The following LIMA1 variants were observed in gnomAD, a reference collection of about 807,000 sequenced individuals.
LIMA1 encodes the protein LIM domain and actin-binding protein 1.
In LIMA1, 52 loss-of-function variants were observed where a neutral mutation model predicts 62.6. That is an observed-to-expected ratio of 0.83 (90% CI 0.67 to 1.05). LIMA1 has a LOEUF of 1.05. Ranked by LOEUF, LIMA1 falls within the 50% of genes least tolerant of loss-of-function variation. The pLI is 0.00. For missense variants in LIMA1, 780 were observed against 902.2 expected (o/e 0.86, Z 1.74); for synonymous variants, 302 against 317.8 (o/e 0.95, Z 0.53).
intron 1 of LIMA1, among the ~76,000 whole-genome samples, chr12:50,280,144 A>AGTTTT (rs1942321649): frequency 1.5e-5 from 1 of 68,266 alleles, no homozygotes; most frequent in Admixed American, 1.8e-4. Context: ...GGGTAGTAGT[A>AGTTTT]TTTTTTTTTT....
intron 2 of LIMA1, among the ~76,000 whole-genome samples, chr12:50,243,024 T>C (rs754227583): frequency 9.2e-5 from 14 of 152,238 alleles, no homozygotes; most frequent in Non-Finnish European, 1.6e-4. Flanking sequence ...GATCATATTA[T>C]GCTGAAGTCA....
At chr12:50,256,202 A>T (rs926603958) in intron 1 of LIMA1, 6 of 151,970 alleles carry the variant, frequency 3.9e-5, no homozygotes, top group African/African-American at 1.4e-4. Context: ...CTGGAAGTTA[A>T]TAGTTCTTTA....
chr12:50,238,455 C>T (rs1342513606), intron 2 of LIMA1, among the ~76,000 whole-genome samples: 3 of 150,656 alleles, frequency 2.0e-5, no homozygotes, highest in Non-Finnish European at 3.0e-5. Context: ...TGCAGTGAGC[C>T]GAGATTGCGC....
intron 1 of LIMA1, among the ~76,000 whole-genome samples, chr12:50,281,613 C>A (rs1353339554): frequency 6.6e-6 from 1 of 152,140 alleles, no homozygotes; most frequent in Non-Finnish European, 1.5e-5. Flanking sequence ...CACTTCCCAG[C>A]CCAATACAGA....
At chr12:50,187,942 G>T (rs1201271916) in intron 9 of LIMA1, 1 of 152,150 alleles carries the variant, frequency 6.6e-6, no homozygotes, top group South Asian at 2.1e-4. Context: ...AGATCTCTGA[G>T]TCTCTTGAAG....
chr12:50,207,217 G>A (rs1941170331), intron 4 of LIMA1, among the ~76,000 whole-genome samples: 1 of 152,016 alleles, frequency 6.6e-6, no homozygotes, highest in Admixed American at 6.6e-5. Context: ...GAGCCACTGC[G>A]CCTGGCCAAC....
chr12:50,236,392 G>A (rs185855460), intron 2 of LIMA1, among the ~76,000 whole-genome samples: 1 of 150,204 alleles, frequency 6.7e-6, no homozygotes, highest in Non-Finnish European at 1.5e-5. Flanking sequence ...CTGCCTCCCA[G>A]GTTCAAGTGA....
intron 1 of LIMA1, among the ~76,000 whole-genome samples, chr12:50,269,918 CAAAT>C (rs1487631176): frequency 6.8e-5 from 6 of 88,134 alleles, no homozygotes; most frequent in African/African-American, 1.4e-4. Flanking sequence ...AAAACTCCGT[CAAAT>C]AAAAAAAAAA....
intron 8 of LIMA1, 100 bp downstream of exon 8, chr12:50,195,730 A>G: frequency 8.7e-7 from 1 of 1,150,826 alleles, no homozygotes; most frequent in African/African-American, 1.6e-5. Flanking sequence ...AGGATTTACT[A>G]TGTTATTTTC....
chr12:50,243,787 G>T (rs1354915636), intron 2 of LIMA1, among the ~76,000 whole-genome samples: 1 of 152,114 alleles, frequency 6.6e-6, no homozygotes, highest in Non-Finnish European at 1.5e-5. Flanking sequence ...ATATGTGACA[G>T]GAACAAACTC....
chr12:50,263,901 A>ATG (rs1184338535), intron 1 of LIMA1, among the ~76,000 whole-genome samples: 13 of 81,382 alleles, frequency 1.6e-4, no homozygotes, highest in East Asian at 1.1e-3. Context: ...TATATAAAGT[A>ATG]TGTATATATA....
chr12:50,217,237 T>C (rs8181679), intron 4 of LIMA1, among the ~76,000 whole-genome samples: 102,364 of 151,760 alleles, frequency 0.67, 35,966 homozygotes, highest in East Asian at 0.9. Context: ...ACCCCAAAAA[T>C]CCCAGAATTG....
At chr12:50,220,889 T>C (rs1363211743) in intron 4 of LIMA1, among the ~76,000 whole-genome samples, 1 of 152,226 alleles carries the variant, frequency 6.6e-6, no homozygotes, top group South Asian at 2.1e-4. Context: ...CTAAAGCTCA[T>C]GCACAGAGAA....
intron 2 of LIMA1, among the ~76,000 whole-genome samples, chr12:50,240,326 T>C (rs1012773219): frequency 6.6e-6 from 1 of 152,122 alleles, no homozygotes; most frequent in African/African-American, 2.4e-5. Flanking sequence ...CAGGTAATGC[T>C]AAGGACTTTG....
chr12:50,190,851 C>T (rs2138419800), intron 9 of LIMA1, among the ~76,000 whole-genome samples: 1 of 150,172 alleles, frequency 6.7e-6, no homozygotes, highest in Non-Finnish European at 1.5e-5. Flanking sequence ...TGTTTGGTGG[C>T]TCATACCTGT....
intron 6 of LIMA1, chr12:50,201,265 A>G: frequency 9.8e-7 from 1 of 1,015,292 alleles, no homozygotes. Context: ...AGCAGGGGAA[A>G]GGAGATGCCA....
At chr12:50,240,838 G>A (rs1022178004) in intron 2 of LIMA1, among the ~76,000 whole-genome samples, 2 of 152,118 alleles carry the variant, frequency 1.3e-5, no homozygotes, top group African/African-American at 4.8e-5. Context: ...AGTGTGAGAA[G>A]ATGCCTGGAA....
chr12:50,273,758 T>G (rs1942242816), intron 1 of LIMA1, among the ~76,000 whole-genome samples: 1 of 152,230 alleles, frequency 6.6e-6, no homozygotes, highest in African/African-American at 2.4e-5. Context: ...TAATAGTAAG[T>G]ATAATGAAAA....
At chr12:50,227,856 CTTT>C (rs1365858204) in intron 3 of LIMA1, among the ~76,000 whole-genome samples, 3 of 139,628 alleles carry the variant, frequency 2.1e-5, no homozygotes, top group Admixed American at 7.2e-5. Context: ...TTTTTTTTTT[CTTT>C]TTTTTTTTTT....
Sources: gnomAD v4.1 joint callset for allele counts (sites outside exome capture counted in the v4.1 genomes callset) on GRCh38, gnomAD v4.1.1 for gene constraint, MANE v1.5 for transcripts, NCBI Gene and HGNC (gene_info 2026-07-23, HGNC 2026-07-21) for gene names.